MNX1: variants seen among roughly 807,000 people sequenced by gnomAD.
MNX1 encodes the protein motor neuron and pancreas homeobox 1, also known as motor neuron and pancreas homeobox protein 1.
MNX1 carries 2 observed loss-of-function variants against 17.3 expected under a neutral mutation model. The observed-to-expected ratio is 0.12, with a 90% CI of 0.05 to 0.36. MNX1 has a LOEUF of 0.36. Ranked by LOEUF, MNX1 falls within the 10% of genes least tolerant of loss-of-function variation. The probability of loss-of-function intolerance (pLI) is 1.00; values close to 1 mark genes in which losing one functional copy is unlikely to be tolerated. For missense variants in MNX1, 556 were observed against 564.7 expected, an observed-to-expected ratio of 0.98 and a Z score of 0.16; for synonymous variants, 306 against 283.1, an observed-to-expected ratio of 1.08 and a Z score of -0.81.
chr7:157,009,974 G>GCGGCGA lies in MNX1; in HGVS notation c.376_377insTCGCCG (p.Ala125_Ala126insValAla), dbSNP rs1440330097. 1.0e-6 allele frequency: 1 copy of GCGGCGA among 972,682 alleles called. No individual in the cohort carries two copies. Among genetic ancestry groups the GCGGCGA allele is most frequent in the South Asian group, 4.7e-5 (1 of 21,438 alleles). 60.3% of individuals were successfully genotyped at this position (972,682 alleles called of 1,614,324 possible). ...AGCGGCGGCGGCGGCGGCGGCGGCGGCGGCAGCGGCCGCTGCGCCCGGATG... is the reference window on the plus strand; with the variant it reads ...AGCGGCGGCGGCGGCGGCGGCGGCGGCGGCGACGGCAGCGGCCGCTGCGCCCGGATG... On this transcript the variant is annotated inframe_insertion, in exon 1 of 3. Coordinates refer to ENST00000252971, the MANE Select transcript of MNX1 (RefSeq NM_005515.4).
In MNX1 at chr7:157,010,412, G is replaced by A; in HGVS notation, c.-62C>T. On this transcript the variant is annotated 5_prime_UTR_variant, in exon 1 of 3. Transcript: ENST00000252971. ...GGGCGACGCGGCCGTGTGCGGGCTC[G>A]CGGAGTCAGTGCGTGCGGTGCAAGC... is the stretch of plus-strand genomic sequence containing the variant. 2 of 1,417,506 alleles carry A rather than the reference G, an allele frequency of 1.4e-6. No homozygotes were observed. The highest frequency in any genetic ancestry group is 9.7e-7 in the Non-Finnish European group (1 of 1,034,268). 87.8% of individuals were successfully genotyped at this position (1,417,506 alleles called of 1,614,324 possible).
In MNX1 at chr7:157,009,918, C is replaced by T; in HGVS notation, c.433G>A (p.Gly145Ser). 1 of 1,261,636 alleles carries T rather than the reference C, an allele frequency of 7.9e-7. No homozygotes were observed. Among genetic ancestry groups the T allele is most frequent in the Non-Finnish European group, 9.9e-7 (1 of 1,005,054 alleles). The allele number at this position is 1,261,636 out of a possible 1,614,324, so 78.2% of individuals were successfully genotyped here. Residue 145 changes from glycine (G) to serine (S), a missense_variant, in exon 1 of 3, where the codon GGC (glycine) becomes AGC (serine). Transcript: ENST00000252971. ...GGLALGLHPGGAQGGAGLPAQ... is the reference protein window; with the variant it reads ...GGLALGLHPGSAQGGAGLPAQ... ...GGGAGGCCCGCGCCGCCCTGCGCGC[C>T]CCCAGGGTGCAGCCCCAGCGCCAGG...
chr7:157,007,347 GGAAA>G (rs377000581), intron 1 of MNX1, among the ~76,000 whole-genome samples: 7 of 149,538 alleles, frequency 4.7e-5, no homozygotes, highest in African/African-American at 1.8e-4. Flanking sequence ...AAGGAAAGAA[GGAAA>G]GAAGGAAGGA....
chr7:157,009,353 C>G, intron 1 of MNX1: 1 of 1,414,020 alleles, frequency 7.1e-7, no homozygotes, highest in Non-Finnish European at 9.2e-7. Flanking sequence ...CGCCTTCCCC[C>G]GGCGACTTCC....
Position 157,005,862 on chromosome 7 carries a change from C to T in MNX1, c.864G>A (p.Trp288Ter). 1 of 1,612,006 alleles carries T rather than the reference C, an allele frequency of 6.2e-7. No individual in the cohort carries two copies. ...TCCATTTCATCCGCCGGTTCTGGAA[C>T]CAAATCTTCACCTGCGGGCACAAGC... is the stretch of plus-strand genomic sequence containing the variant. ...LMLTETQVKI[W>*]FQNRRMKWKR... The change falls in exon 3 of 3, where the codon TGG becomes TGA. Residue 288 changes from tryptophan to a stop codon, truncating the protein, a stop_gained. Transcript: ENST00000252971. LOFTEE classifies it low-confidence loss of function (END_TRUNC).
At chr7:157,009,429 TA>T in intron 1 of MNX1, 2 of 1,428,108 alleles carry the variant, frequency 1.4e-6, no homozygotes, top group Non-Finnish European at 9.1e-7. Flanking sequence ...CCCTTCCCGT[TA>T]AGAGAGGAAG....
At chr7:157,008,110 A>G (rs1444761847) in intron 1 of MNX1, 1 of 152,254 alleles carries the variant, frequency 6.6e-6, no homozygotes, top group African/African-American at 2.4e-5. Context: ...CTAGGTCAAC[A>G]TTTGGAATCA....
rs1805574019 is a variant in MNX1, at chr7:157,005,493, C to T, written c.*27G>A. ...GCCGCCGGCCGGGGCGCTCCGTGCG[C>T]GCCGCACCTGCTGGGCCGCGGGGCT... On this transcript the variant is annotated 3_prime_UTR_variant, in exon 3 of 3. Coordinates refer to ENST00000252971, the MANE Select transcript of MNX1 (RefSeq NM_005515.4). 1.5e-6 allele frequency: 2 copies of T among 1,332,500 alleles called. No homozygotes were observed. The highest frequency in any genetic ancestry group is 1.9e-6 in the Non-Finnish European group (2 of 1,048,994). The allele number at this position is 1,332,500 out of a possible 1,614,324, so 82.5% of individuals were successfully genotyped here.
chr7:157,005,645 C>T lies in MNX1; in HGVS notation c.1081G>A (p.Asp361Asn), dbSNP rs765048574. Residue 361 changes from aspartate to asparagine, a missense_variant, in exon 3 of 3, where the codon GAC (aspartate) becomes AAC (asparagine). Physicochemically the swap from Asp to Asn is conservative, Grantham distance 23. Around this residue, in one of 7 missense-constraint regions of MNX1, gnomAD observed 178 missense variants for 155.2 expected, o/e 1.15. Transcript: ENST00000252971. ...LRDSDPEEDE[D>N]EDDEDHFPYS... ...GGGAAATGGTCCTCGTCGTCCTCGTCCTCGTCCTCCTCGGGGTCACTGTCC... is the reference window on the plus strand; with the variant it reads ...GGGAAATGGTCCTCGTCGTCCTCGTTCTCGTCCTCCTCGGGGTCACTGTCC... The T allele has an allele frequency of 2.1e-5, 34 of 1,606,618 alleles. No individual in the cohort carries two copies. The East Asian group carries it at 2.7e-4, about 13-fold the overall frequency.
chr7:157,006,869 T>TG lies in MNX1; in HGVS notation c.692-231_692-230insC. 1 of 447,256 alleles carries TG rather than the reference T, an allele frequency of 2.2e-6. No individual in the cohort carries two copies. The highest frequency in any genetic ancestry group is 4.0e-6 in the Non-Finnish European group (1 of 252,462). 27.7% of individuals were successfully genotyped at this position (447,256 alleles called of 1,614,324 possible). ...ATGAGACCAATTTTTTTTTTTTTTT[T>TG]TGTCTAGGAGACGTCTGAGTGTCCC... is the stretch of plus-strand genomic sequence containing the variant. On this transcript the variant is annotated intron_variant, in intron 1 of 2. Transcript: ENST00000252971. The surrounding 1 kb of genome is among the most constrained non-coding windows in gnomAD (Gnocchi z 6.3).
chr7:157,009,787 C>A lies in MNX1; in HGVS notation c.564G>T (p.Gln188His). 1 of 1,581,184 alleles carries A rather than the reference C, an allele frequency of 6.3e-7. No individual in the cohort carries two copies. Among genetic ancestry groups the A allele is most frequent in the Non-Finnish European group, 8.6e-7 (1 of 1,169,078 alleles). ...GGTGCGCGGGGTGCGCGCCTTGCAC[C>A]TGCGGGTACGAGTAGGAGAGCGCCG... is the stretch of plus-strand genomic sequence containing the variant. ...QHPALSYSYPQVQGAHPAHPA... is the reference protein window; with the variant it reads ...QHPALSYSYPHVQGAHPAHPA... Residue 188 changes from glutamine to histidine, a missense_variant, in exon 1 of 3, where the codon CAG becomes CAT. Coordinates refer to ENST00000252971, the MANE Select transcript of MNX1 (RefSeq NM_005515.4).
chr7:157,009,370 T>G, intron 1 of MNX1: 1 of 1,417,164 alleles, frequency 7.1e-7, no homozygotes, highest in Non-Finnish European at 9.2e-7. Flanking sequence ...TTCCTTCTCC[T>G]GCAGCCTTCG....
chr7:157,006,835 T>C lies in MNX1; in HGVS notation c.692-196A>G. 2 of 558,892 alleles carry C rather than the reference T, an allele frequency of 3.6e-6. No homozygotes were observed. The highest frequency in any genetic ancestry group is 6.1e-6 in the Non-Finnish European group (2 of 326,990). The allele number at this position is 558,892 out of a possible 1,614,324, so 34.6% of individuals were successfully genotyped here. A position where few individuals can be genotyped will look rare whatever the true frequency, so the allele number is the denominator to read the frequency against. On this transcript the variant is annotated intron_variant, in intron 1 of 2. Transcript: ENST00000252971. This position sits in a 1 kb window ranked among gnomAD's most constrained non-coding sequence, Gnocchi z 6.3. ...GGACCACCAAGTGGAAATGGATAGT[T>C]TGGAGTTAATGAGACCAATTTTTTT...
Position 157,009,797 on chromosome 7 carries a change from G to A in MNX1, c.554C>T (p.Ser185Leu). 2.6e-6 allele frequency: 4 copies of A among 1,563,270 alleles called. No individual in the cohort carries two copies. The highest frequency in any genetic ancestry group is 2.4e-5 in the East Asian group (1 of 42,350). The change falls in exon 1 of 3, where the codon TCG becomes TTG. Residue 185 changes from serine (S) to leucine (L), a missense_variant. By Grantham distance (145) the Ser-to-Leu change is moderately radical. This residue lies in a region of MNX1 where 210 missense variants were observed against 211.3 expected (regional missense o/e 0.99). Coordinates refer to ENST00000252971, the MANE Select transcript of MNX1 (RefSeq NM_005515.4). ...LAGQHPALSYSYPQVQGAHPA... is the reference protein window; with the variant it reads ...LAGQHPALSYLYPQVQGAHPA... ...GTGCGCGCCTTGCACCTGCGGGTACGAGTAGGAGAGCGCCGGGTGCTGGCC... is the reference window on the plus strand; with the variant it reads ...GTGCGCGCCTTGCACCTGCGGGTACAAGTAGGAGAGCGCCGGGTGCTGGCC...
chr7:157,009,299 T>C, intron 1 of MNX1: 1 of 1,420,866 alleles, frequency 7.0e-7, no homozygotes, highest in Non-Finnish European at 9.2e-7. Context: ...TGATAAGCCC[T>C]GACCCCCATT....
intron 1 of MNX1, chr7:157,007,390 G>A (rs1290687265): frequency 2.0e-5 from 3 of 152,714 alleles, no homozygotes; most frequent in African/African-American, 7.3e-5. Context: ...GAAGGGAAGG[G>A]AGAGAGGACA....
rs1431918731 is a variant in MNX1, at chr7:157,010,274, G to A, written c.77C>T (p.Ala26Val). 6.6e-6 allele frequency: 10 copies of A among 1,521,996 alleles called. No homozygotes were observed. Among genetic ancestry groups the A allele is most frequent in the Non-Finnish European group, 8.8e-6 (10 of 1,134,120 alleles). The allele number at this position is 1,521,996 out of a possible 1,614,324, so 94.3% of individuals were successfully genotyped here. Reference sequence around the variant, plus strand: ...GAGCGACGTGACCAAGGCCAGCGGCGCGCTCTGCGCAGAGGCGGCTCGTGG... The same window carrying A: ...GAGCGACGTGACCAAGGCCAGCGGCACGCTCTGCGCAGAGGCGGCTCGTGG... ...DPPRAASAQSAPLALVTSLAA... is the reference protein window; with the variant it reads ...DPPRAASAQSVPLALVTSLAA... Residue 26 changes from alanine to valine, a missense_variant, in exon 1 of 3, where the codon GCG becomes GTG. Ala to Val is a moderately conservative substitution (Grantham distance 64). Transcript: ENST00000252971.
chr7:157,009,323 A>G lies in MNX1; in HGVS notation c.691+337T>C, dbSNP rs374500316. 1.0e-4 allele frequency: 142 copies of G among 1,414,316 alleles called. No individual in the cohort carries two copies. In the East Asian group the frequency reaches 2.6e-3, roughly 26 times the overall value. 87.6% of individuals were successfully genotyped at this position (1,414,316 alleles called of 1,614,324 possible). Reference sequence around the variant, plus strand: ...CTGACCCCCATTCCCGGGCCTGCCTAATTCAGGGCGCTCTCGGCTCGCCTT... The same window carrying G: ...CTGACCCCCATTCCCGGGCCTGCCTGATTCAGGGCGCTCTCGGCTCGCCTT... On this transcript the variant is annotated intron_variant, in intron 1 of 2. Coordinates refer to ENST00000252971, the MANE Select transcript of MNX1 (RefSeq NM_005515.4).
chr7:157,009,881 G>A lies in MNX1; in HGVS notation c.470C>T (p.Ala157Val). Reference sequence around the variant, plus strand: ...GCCGTAGACCGGGTGGCCGTAGAGCGCCGCCTGCGCCGGGAGGCCCGCGCC... The same window carrying A: ...GCCGTAGACCGGGTGGCCGTAGAGCACCGCCTGCGCCGGGAGGCCCGCGCC... ...QGGAGLPAQA[A>V]LYGHPVYGYS... is the part of the protein sequence containing the mutation. Residue 157 changes from alanine to valine, a missense_variant, in exon 1 of 3, where the codon GCG (alanine) becomes GTG (valine). Around this residue, in one of 7 missense-constraint regions of MNX1, gnomAD observed 210 missense variants for 211.3 expected, o/e 0.99. Coordinates refer to ENST00000252971, the MANE Select transcript of MNX1 (RefSeq NM_005515.4). 2.1e-6 allele frequency: 3 copies of A among 1,430,750 alleles called. No individual in the cohort carries two copies. The highest frequency in any genetic ancestry group is 2.7e-6 in the Non-Finnish European group (3 of 1,097,630). 88.6% of individuals were successfully genotyped at this position (1,430,750 alleles called of 1,614,324 possible). A position where few individuals can be genotyped will look rare whatever the true frequency, so the allele number is the denominator to read the frequency against.
Sources: gnomAD v4.1 joint callset for allele counts (sites outside exome capture counted in the v4.1 genomes callset) on GRCh38, gnomAD v4.1.1 for gene constraint, gnomAD v4.1.1 regional missense constraint, Gnocchi (gnomAD v3.1) non-coding constraint, MANE v1.5 for transcripts, NCBI Gene and HGNC (gene_info 2026-07-23, HGNC 2026-07-21) for gene names.